The following IL1RAPL1 variants were observed in gnomAD, a reference collection of about 807,000 sequenced individuals.
IL1RAPL1 encodes the protein interleukin-1 receptor accessory protein-like 1.
In IL1RAPL1, 3 loss-of-function variants were observed where a neutral mutation model predicts 48.4. The ratio of observed to expected loss-of-function variants is 0.06; its 90% CI spans 0.03 to 0.16. The LOEUF (loss-of-function observed/expected upper bound fraction) is 0.16. IL1RAPL1 is among the 10% of genes least tolerant of loss of function. IL1RAPL1 has a pLI of 1.00. For synonymous variants in IL1RAPL1, 185 were observed against 187.7 expected, an observed-to-expected ratio of 0.99 and a Z score of 0.12; for missense variants, 349 against 530.6, an observed-to-expected ratio of 0.66 and a Z score of 3.36.
chrX:28,713,419 A>C (rs1200110615), intron 1 of IL1RAPL1, among the ~76,000 whole-genome samples: 2 of 111,632 alleles, frequency 1.8e-5, no homozygotes, highest in Non-Finnish European at 3.8e-5. Flanking sequence ...TAATTAAGGA[A>C]AAGCATGTTG....
intron 6 of IL1RAPL1, among the ~76,000 whole-genome samples, chrX:29,853,101 G>A (rs2147199557): frequency 9.3e-6 from 1 of 107,213 alleles, no homozygotes; most frequent in East Asian, 3.0e-4. Flanking sequence ...AAAAGCCCCA[G>A]ACACATTCAG....
chrX:29,248,462 C>T (rs757197829), intron 2 of IL1RAPL1, among the ~76,000 whole-genome samples: 13 of 110,985 alleles, frequency 1.2e-4, no homozygotes, highest in Non-Finnish European at 1.9e-4. Context: ...AGTTATATCA[C>T]GAACAAGATA....
chrX:29,010,086 A>C (rs185050268), intron 2 of IL1RAPL1, among the ~76,000 whole-genome samples: 1 of 112,173 alleles, frequency 8.9e-6, no homozygotes, highest in East Asian at 2.8e-4. Context: ...AAATGCTACA[A>C]ATTTTTGTAC....
intron 2 of IL1RAPL1, among the ~76,000 whole-genome samples, chrX:28,918,046 C>T (rs1334167019): frequency 8.9e-6 from 1 of 112,168 alleles, no homozygotes; most frequent in Non-Finnish European, 1.9e-5. Context: ...AAATATAATT[C>T]CTGTTTTGCT....
At chrX:29,132,811 GTAT>G (rs1432178687) in intron 2 of IL1RAPL1, among the ~76,000 whole-genome samples, 2 of 110,650 alleles carry the variant, frequency 1.8e-5, no homozygotes, top group Admixed American at 9.7e-5. Context: ...CTTTTTATTG[GTAT>G]TATTATTATC....
At chrX:28,914,126 G>A (rs1336877942) in intron 2 of IL1RAPL1, among the ~76,000 whole-genome samples, 1 of 110,819 alleles carries the variant, frequency 9.0e-6, no homozygotes. Context: ...CATTTTTTAT[G>A]TGCTAAGTGA....
intron 2 of IL1RAPL1, among the ~76,000 whole-genome samples, chrX:28,915,835 G>A (rs1168700737): frequency 9.0e-6 from 1 of 110,613 alleles, no homozygotes. Flanking sequence ...ACATCTGTTG[G>A]CCAACATATT....
At chrX:28,855,556 G>A (rs1921783927) in intron 2 of IL1RAPL1, among the ~76,000 whole-genome samples, 3 of 110,466 alleles carry the variant, frequency 2.7e-5, no homozygotes, top group African/African-American at 9.9e-5. Context: ...TATTTATGGG[G>A]TACATGAGAT....
chrX:28,985,691 GCT>G lies in IL1RAPL1; in HGVS notation c.82+196269_82+196270del, dbSNP rs768776886. On this transcript the variant is annotated intron_variant, in intron 2 of 10. Coordinates refer to ENST00000378993, the MANE Select transcript of IL1RAPL1 (RefSeq NM_014271.4). ...TTTTTTTTTTTTGAGACGGAGTCTCGCTCTGTCGCCCAGGCTGGAGTGCATTG... is the reference window on the plus strand; with the variant it reads ...TTTTTTTTTTTTGAGACGGAGTCTCGCTGTCGCCCAGGCTGGAGTGCATTG... 1.5e-3 allele frequency among the ~76,000 whole-genome samples: 143 copies of G among 94,139 alleles called. 1 individual carries two copies. Among genetic ancestry groups the G allele is most frequent in the African/African-American group, 5.5e-3 (132 of 23,798 alleles). 81.7% of individuals were successfully genotyped at this position (94,139 alleles called of 115,157 possible).
At chrX:29,001,985 C>T (rs1460456201) in intron 2 of IL1RAPL1, among the ~76,000 whole-genome samples, 20 of 107,901 alleles carry the variant, frequency 1.9e-4, no homozygotes, top group African/African-American at 5.4e-4. Context: ...CAACCTCCCC[C>T]GCCGAGTTCA....
At chrX:29,615,325 C>T (rs1225361948) in intron 5 of IL1RAPL1, among the ~76,000 whole-genome samples, 1 of 108,753 alleles carries the variant, frequency 9.2e-6, no homozygotes, top group Non-Finnish European at 1.9e-5. Flanking sequence ...AGATTATTTC[C>T]ATCAAAAATA....
intron 2 of IL1RAPL1, among the ~76,000 whole-genome samples, chrX:28,800,882 T>C (rs1171878034): frequency 8.4e-5 from 9 of 106,903 alleles, no homozygotes; most frequent in Non-Finnish European, 1.7e-4. Context: ...TTTATTTATT[T>C]ATTTATTTAT....
chrX:29,755,080 G>T (rs760212125), intron 6 of IL1RAPL1, among the ~76,000 whole-genome samples: 1 of 112,301 alleles, frequency 8.9e-6, no homozygotes, highest in African/African-American at 3.2e-5. Flanking sequence ...TTGGCCAGAG[G>T]CCTTTTTCAG....
At chrX:29,205,352 G>A (rs1930641561) in intron 2 of IL1RAPL1, among the ~76,000 whole-genome samples, 1 of 112,067 alleles carries the variant, frequency 8.9e-6, no homozygotes, top group South Asian at 3.7e-4. Flanking sequence ...AACAAGTTGT[G>A]AATTTAGGCC....
At chrX:29,176,099 T>C (rs1445285752) in intron 2 of IL1RAPL1, among the ~76,000 whole-genome samples, 1 of 95,096 alleles carries the variant, frequency 1.1e-5, no homozygotes, top group Non-Finnish European at 2.1e-5. Context: ...TTTTTTTTTT[T>C]TTTTTTCTTT....
intron 5 of IL1RAPL1, among the ~76,000 whole-genome samples, chrX:29,479,414 C>CAAAAAAAAAAAAAAAAAAAAAAAAAAA (rs3069570): frequency 3.8e-4 from 16 of 42,471 alleles, no homozygotes; most frequent in Middle Eastern, 0.014. Flanking sequence ...GACCCTGTCT[C>CAAAAAAAAAAAAAAAAAAAAAAAAAAA]AAAAAAAAAA....
chrX:29,118,661 T>C lies in IL1RAPL1; in HGVS notation c.83-164277T>C, dbSNP rs753331494. On this transcript the variant is annotated intron_variant, in intron 2 of 10. Transcript: ENST00000378993. ...TATATATTATAGTTTACTACTAAGT[T>C]GTTAGAACAAGCTAGGCACCAGTTT... Among the ~76,000 whole-genome samples the C allele has an allele frequency of 4.5e-5, 5 of 111,795 alleles. No individual in the cohort carries two copies. In the South Asian group the frequency reaches 1.8e-3, roughly 41 times the overall value.
chrX:29,792,267 A>G (rs779786640), intron 6 of IL1RAPL1, among the ~76,000 whole-genome samples: 3 of 112,083 alleles, frequency 2.7e-5, no homozygotes, highest in Non-Finnish European at 5.6e-5. Context: ...GCCATGTGCT[A>G]TGATTTCAAG....
At chrX:28,853,584 C>T (rs925691312) in intron 2 of IL1RAPL1, among the ~76,000 whole-genome samples, 1 of 111,256 alleles carries the variant, frequency 9.0e-6, no homozygotes, top group Non-Finnish European at 1.9e-5. Flanking sequence ...TAAATAAAGG[C>T]AGCCATAATG....
Sources: gnomAD v4.1 joint callset for allele counts (sites outside exome capture counted in the v4.1 genomes callset) on GRCh38, gnomAD v4.1.1 for gene constraint, MANE v1.5 for transcripts, NCBI Gene and HGNC (gene_info 2026-07-23, HGNC 2026-07-21) for gene names.